Variants in CHMP3 observed in about 807,000 individuals in gnomAD.
CHMP3 encodes 25.1 protein.
Under a neutral mutation model 27.4 loss-of-function variants are expected in CHMP3, and 8 were observed. That is an observed-to-expected ratio of 0.29 (90% CI 0.17 to 0.53). The LOEUF is 0.53. Among genes scored for constraint, CHMP3 ranks in the 20% least tolerant of loss-of-function variants. CHMP3 has a pLI of 0.96. For synonymous variants in CHMP3, 86 were observed against 85.5 expected (o/e 1.01, Z -0.03); for missense variants, 208 against 271.5 (o/e 0.77, Z 1.64).
chr2:86,520,880 CCT>C (rs1473653301), intron 3 of CHMP3, among the ~76,000 whole-genome samples: 14 of 152,190 alleles, frequency 9.2e-5, no homozygotes, highest in African/African-American at 3.1e-4. Flanking sequence ...CATCGCATCC[CCT>C]GTGACTTGCA....
intron 5 of CHMP3, among the ~76,000 whole-genome samples, chr2:86,506,774 C>G (rs1218457515): frequency 6.6e-6 from 1 of 151,700 alleles, no homozygotes; most frequent in Admixed American, 6.6e-5. Context: ...ACCCACCTAC[C>G]TAATTTTTAT....
At chr2:86,510,319 T>C in intron 4 of CHMP3, 39 bp downstream of exon 4, 1 of 1,508,074 alleles carries the variant, frequency 6.6e-7, no homozygotes, top group Non-Finnish European at 9.0e-7. Context: ...AGAGTGACTC[T>C]GGGGTTTGGA....
chr2:86,512,260 C>T (rs1675134486), intron 3 of CHMP3: 1 of 152,222 alleles, frequency 6.6e-6, no homozygotes, highest in Non-Finnish European at 1.5e-5. Context: ...AAAGGGCCTA[C>T]AGGAGGCAGT....
chr2:86,533,984 A>G (rs1676025008), intron 2 of CHMP3, among the ~76,000 whole-genome samples: 1 of 151,900 alleles, frequency 6.6e-6, no homozygotes, highest in African/African-American at 2.4e-5. Flanking sequence ...ACATCTGTGA[A>G]TTTTCCAGTA....
chr2:86,529,162 GATA>G, intron 3 of CHMP3, 53 bp downstream of exon 3: 1 of 1,452,840 alleles, frequency 6.9e-7, no homozygotes, highest in Admixed American at 2.6e-5. Flanking sequence ...AACCCGTGTT[GATA>G]ATAACAGCAA....
At chr2:86,558,077 T>C (rs932486694) in intron 1 of CHMP3, among the ~76,000 whole-genome samples, 2 of 152,188 alleles carry the variant, frequency 1.3e-5, no homozygotes, top group African/African-American at 2.4e-5. Context: ...AGAATTCTGA[T>C]GCCATGGAAG....
chr2:86,541,885 CA>C (rs886497985), intron 2 of CHMP3, among the ~76,000 whole-genome samples: 2 of 151,682 alleles, frequency 1.3e-5, no homozygotes, highest in Non-Finnish European at 2.9e-5. Context: ...TGGTACTAAA[CA>C]AAAAAAATCA....
At chr2:86,556,244 C>G (rs1199489436) in intron 1 of CHMP3, among the ~76,000 whole-genome samples, 1 of 152,208 alleles carries the variant, frequency 6.6e-6, no homozygotes, top group Non-Finnish European at 1.5e-5. Flanking sequence ...CGTAGCTCCT[C>G]TCCTGGAGGC....
chr2:86,541,989 T>C (rs1176376674), intron 2 of CHMP3, among the ~76,000 whole-genome samples: 1 of 152,196 alleles, frequency 6.6e-6, no homozygotes, highest in African/African-American at 2.4e-5. Flanking sequence ...GTATAATTTA[T>C]TTAATTTGAA....
Position 86,510,419 on chromosome 2 carries a change from C to T in CHMP3, c.347G>A (p.Ser116Asn), listed in dbSNP as rs1254623189. 16 of 1,613,990 alleles carry T rather than the reference C, an allele frequency of 9.9e-6. No homozygotes were observed. Among genetic ancestry groups the T allele is most frequent in the Non-Finnish European group, 1.3e-5 (15 of 1,180,046 alleles). Reference protein sequence around the residue: ...KSTEVMKAMQSLVKIPEIQAT... With the variant: ...KSTEVMKAMQNLVKIPEIQAT... The stretch of plus-strand genomic sequence containing the variant: ...CTGAATCTCTGGAATCTTCACAAGA[C>T]TTTGCATGGCCTTCATCACTTCTGT... The change falls in exon 4 of 6, where the codon AGT becomes AAT. Residue 116 changes from serine to asparagine, a missense_variant. By Grantham distance (46) the Ser-to-Asn change is conservative. Around this residue, in one of 3 missense-constraint regions of CHMP3, gnomAD observed 94 missense variants for 159.6 expected, o/e 0.59. Coordinates refer to ENST00000263856, the MANE Select transcript of CHMP3 (RefSeq NM_016079.4).
At chr2:86,533,752 G>A (rs1176153834) in intron 2 of CHMP3, among the ~76,000 whole-genome samples, 3 of 116,766 alleles carry the variant, frequency 2.6e-5, no homozygotes, top group African/African-American at 6.8e-5. Flanking sequence ...TGATCTGCCC[G>A]CCTTGGCCTC....
intron 3 of CHMP3, among the ~76,000 whole-genome samples, chr2:86,516,004 T>G (rs1675286726): frequency 6.6e-6 from 1 of 151,828 alleles, no homozygotes; most frequent in Non-Finnish European, 1.5e-5. Context: ...AAAAACCAGC[T>G]GGGTGTGGTG....
At position 86,562,617 on chromosome 2, in the gene CHMP3, G is replaced by A. The variant is rs1291148444; in HGVS notation, c.45+687C>T. 2.2e-4 allele frequency: 34 copies of A among 152,234 alleles called. 1 individual carries two copies. The highest frequency in any genetic ancestry group is 2.2e-3 in the Admixed American group (34 of 15,278). The allele number at this position is 152,234 out of a possible 1,614,324, so 9.4% of individuals were successfully genotyped here. A position where few individuals can be genotyped will look rare whatever the true frequency, so the allele number is the denominator to read the frequency against. ...AACTTTCCAGAGATCACAGAGCTGA[G>A]ATGTGGGAAGGCAGGATTCAAACTT... On this transcript the variant is annotated intron_variant, in intron 1 of 5. Transcript: ENST00000263856.
At chr2:86,538,291 T>C (rs1676225855) in intron 2 of CHMP3, among the ~76,000 whole-genome samples, 1 of 152,186 alleles carries the variant, frequency 6.6e-6, no homozygotes, top group South Asian at 2.1e-4. Flanking sequence ...GAAGTTATTG[T>C]TTAATAGGTA....
At chr2:86,550,748 A>T (rs113498801) in intron 1 of CHMP3, among the ~76,000 whole-genome samples, 33 of 152,332 alleles carry the variant, frequency 2.2e-4, no homozygotes, top group African/African-American at 7.7e-4. Flanking sequence ...TTAAAAAAAC[A>T]AATGGTTGGC....
chr2:86,556,224 C>A (rs1440301396), intron 1 of CHMP3, among the ~76,000 whole-genome samples: 1 of 152,154 alleles, frequency 6.6e-6, no homozygotes, highest in Non-Finnish European at 1.5e-5. Flanking sequence ...CCATTTTTGA[C>A]CCTCAGCTAC....
chr2:86,506,114 T>C (rs905577478), intron 5 of CHMP3, among the ~76,000 whole-genome samples, 165 bp from the exon 6 acceptor site: 9 of 152,218 alleles, frequency 5.9e-5, no homozygotes, highest in African/African-American at 1.9e-4. Flanking sequence ...TGCAAATAGC[T>C]ACCTGTAATG....
At chr2:86,561,489 C>G (rs1677363388) in intron 1 of CHMP3, 1 of 152,196 alleles carries the variant, frequency 6.6e-6, no homozygotes, top group Non-Finnish European at 1.5e-5. Flanking sequence ...TATCCAAGAC[C>G]TACTGAATCA....
chr2:86,518,972 T>TTA (rs2104755036), intron 3 of CHMP3, among the ~76,000 whole-genome samples: 1 of 152,340 alleles, frequency 6.6e-6, no homozygotes, highest in South Asian at 2.1e-4. Flanking sequence ...ATTCCATGGC[T>TTA]TTTAATATTA....
Sources: gnomAD v4.1 joint callset for allele counts (sites outside exome capture counted in the v4.1 genomes callset) on GRCh38, gnomAD v4.1.1 for gene constraint, gnomAD v4.1.1 regional missense constraint, MANE v1.5 for transcripts, NCBI Gene and HGNC (gene_info 2026-07-23, HGNC 2026-07-21) for gene names.